The following DSE variants were observed in gnomAD, a reference collection of about 807,000 sequenced individuals.
The protein encoded by DSE is dermatan-sulfate epimerase.
Under a neutral mutation model 84.4 loss-of-function variants are expected in DSE, and 36 were observed. The ratio of observed to expected loss-of-function variants is 0.43; its 90% CI spans 0.33 to 0.56. The LOEUF is 0.56. DSE is among the 20% of genes least tolerant of loss of function. The pLI is 0.06. For missense variants in DSE, 862 were observed against 1,169.6 expected (o/e 0.74, Z 3.84); for synonymous variants, 410 against 430.1 (o/e 0.95, Z 0.58).
At chr6:116,406,551 C>T (rs546710083) in intron 2 of DSE, among the ~76,000 whole-genome samples, 12 of 152,334 alleles carry the variant, frequency 7.9e-5, no homozygotes, top group Middle Eastern at 3.4e-3. Context: ...GAAATATTCA[C>T]GCCTAACACC....
intron 2 of DSE, among the ~76,000 whole-genome samples, chr6:116,416,720 A>T (rs1457059896): frequency 2.7e-5 from 4 of 146,750 alleles, no homozygotes; most frequent in South Asian, 2.1e-4. Flanking sequence ...TTGCATGTTT[A>T]TTTTTTTTTT....
chr6:116,351,900 A>G (rs1193962691), intron 2 of DSE, among the ~76,000 whole-genome samples: 2 of 152,362 alleles, frequency 1.3e-5, no homozygotes, highest in East Asian at 1.9e-4. Context: ...CAACTTTGGT[A>G]GAACCTGGAG....
At chr6:116,280,014 C>A (rs749577337) in intron 2 of DSE, 90 of 778,604 alleles carry the variant, frequency 1.2e-4, no homozygotes, top group Non-Finnish European at 1.8e-4. Context: ...TTCCGCCGCT[C>A]CCTGCCAGCC....
intron 2 of DSE, among the ~76,000 whole-genome samples, chr6:116,363,475 A>G (rs1215413537): frequency 2.6e-5 from 4 of 152,194 alleles, no homozygotes; most frequent in Admixed American, 2.6e-4. Context: ...GCTATCAAGT[A>G]TCAGCCTTCT....
chr6:116,432,423 C>G (rs1783900254), intron 4 of DSE: 1 of 148,392 alleles, frequency 6.7e-6, no homozygotes, highest in South Asian at 2.1e-4. Flanking sequence ...TAAAACACAT[C>G]TCCTGCTTTC....
At chr6:116,386,615 G>C (rs1451902106) in intron 1 of DSE, among the ~76,000 whole-genome samples, 1 of 152,186 alleles carries the variant, frequency 6.6e-6, no homozygotes, top group Non-Finnish European at 1.5e-5. Context: ...ATTGTAGTTA[G>C]ATGTGACTGA....
chr6:116,257,155 G>A lies in DSE; in HGVS notation c.-575-1291G>A, dbSNP rs565665952. 5.3e-5 allele frequency: 8 copies of A among 152,206 alleles called. No individual in the cohort carries two copies. The East Asian group carries it at 9.6e-4, about 18-fold the overall frequency. The allele number at this position is 152,206 out of a possible 1,614,324, so 9.4% of individuals were successfully genotyped here. A position where few individuals can be genotyped will look rare whatever the true frequency, so the allele number is the denominator to read the frequency against. The stretch of plus-strand genomic sequence containing the variant: ...TATAGTTTCTGGTTCATTATTTAGT[G>A]TTTTCTATATACCATATACTTTTAT... On this transcript the variant is annotated intron_variant, in intron 1 of 3. Coordinates refer to the DSE transcript ENST00000430252.
chr6:116,301,750 G>C (rs777362463), intron 2 of DSE, among the ~76,000 whole-genome samples: 5 of 152,056 alleles, frequency 3.3e-5, no homozygotes, highest in Non-Finnish European at 7.4e-5. Context: ...CCCGTCATCT[G>C]CTTTAGGTAT....
intron 2 of DSE, among the ~76,000 whole-genome samples, chr6:116,424,402 C>A (rs1050579725): frequency 1.3e-5 from 2 of 152,296 alleles, no homozygotes; most frequent in Admixed American, 1.3e-4. Flanking sequence ...CTTTTTAGCA[C>A]TAGTCTTTTT....
At chr6:116,279,302 T>TCTCCGCCAGGCCTTCCTTCAC in intron 2 of DSE, 3 of 1,609,292 alleles carry the variant, frequency 1.9e-6, no homozygotes, top group Non-Finnish European at 2.5e-6. Context: ...AGGCCTTCCT[T>TCTCCGCCAGGCCTTCCTTCAC]CACCACCTCA....
Position 116,435,798 on chromosome 6 carries a change from A to G in DSE, c.1330A>G (p.Arg444Gly). 6.2e-7 allele frequency: 1 copy of G among 1,614,182 alleles called. No individual in the cohort carries two copies. Among genetic ancestry groups the G allele is most frequent in the Non-Finnish European group, 8.5e-7 (1 of 1,180,022 alleles). The change falls in exon 6 of 6, where the codon AGA becomes GGA. Residue 444 changes from arginine to glycine, a missense_variant. Around this residue, in one of 4 missense-constraint regions of DSE, gnomAD observed 309 missense variants for 516.9 expected, o/e 0.60. Coordinates refer to ENST00000644252, the MANE Select transcript of DSE (RefSeq NM_013352.4). ...ATACAAAGATTGGATCAAAGGATGG[A>G]GAAATTTTAATGCAGGGCATGAACA... ...NKYKDWIKGWRNFNAGHEHPD... is the reference protein window; with the variant it reads ...NKYKDWIKGWGNFNAGHEHPD...
chr6:116,399,010 G>A (rs1781421040), intron 1 of DSE, among the ~76,000 whole-genome samples, 188 bp from the exon 2 acceptor site: 1 of 152,082 alleles, frequency 6.6e-6, no homozygotes, highest in South Asian at 2.1e-4. Flanking sequence ...TTCTGATGTA[G>A]TATGTTTAAC....
At chr6:116,352,089 T>G (rs183765767) in intron 2 of DSE, among the ~76,000 whole-genome samples, 1 of 152,260 alleles carries the variant, frequency 6.6e-6, no homozygotes, top group African/African-American at 2.4e-5. Flanking sequence ...GCTCAAACCC[T>G]TGGAAAAGTT....
intron 2 of DSE, among the ~76,000 whole-genome samples, chr6:116,416,660 A>T (rs1052501077): frequency 2.0e-5 from 3 of 152,054 alleles, no homozygotes; most frequent in African/African-American, 7.2e-5. Context: ...TTTATATATT[A>T]TATTTTCTTC....
chr6:116,370,387 A>C, upstream of DSE: 1 of 905,062 alleles, frequency 1.1e-6, no homozygotes, highest in Non-Finnish European at 1.3e-6. Flanking sequence ...CCCCGCCCCA[A>C]AGTCCCCCCT....
At chr6:116,414,193 A>G (rs1183744542) in intron 2 of DSE, among the ~76,000 whole-genome samples, 1 of 152,194 alleles carries the variant, frequency 6.6e-6, no homozygotes, top group African/African-American at 2.4e-5. Context: ...TCTGAAATCA[A>G]GATATCAATA....
chr6:116,272,286 A>T (rs1772915194), intron 2 of DSE, among the ~76,000 whole-genome samples: 1 of 152,190 alleles, frequency 6.6e-6, no homozygotes, highest in African/African-American at 2.4e-5. Flanking sequence ...CTACATGTAA[A>T]TTATACTTTA....
chr6:116,273,764 T>C (rs1434694470), intron 2 of DSE, among the ~76,000 whole-genome samples: 1 of 152,116 alleles, frequency 6.6e-6, no homozygotes, highest in Non-Finnish European at 1.5e-5. Context: ...TTACTTATGC[T>C]AGTATTCAAT....
intron 2 of DSE, among the ~76,000 whole-genome samples, chr6:116,313,725 T>C (rs1775820666): frequency 6.6e-6 from 1 of 152,256 alleles, no homozygotes. Context: ...TTAATTCCTA[T>C]GTATGTTTAA....
Sources: allele counts gnomAD v4.1 joint callset (sites outside exome capture counted in the v4.1 genomes callset), GRCh38; gene constraint gnomAD v4.1.1; regional missense constraint gnomAD v4.1.1; transcripts MANE v1.5; gene names NCBI Gene and HGNC (gene_info 2026-07-23, HGNC 2026-07-21).